Variants in TSHZ3 observed in about 807,000 individuals in gnomAD.
The protein encoded by TSHZ3 is teashirt zinc finger homeobox 3.
TSHZ3 carries 10 observed loss-of-function variants against 64.5 expected under a neutral mutation model. The observed-to-expected ratio is 0.16, with a 90% CI of 0.10 to 0.26. The LOEUF (loss-of-function observed/expected upper bound fraction) is 0.26. Among genes scored for constraint, TSHZ3 ranks in the 10% least tolerant of loss-of-function variants. The probability of loss-of-function intolerance (pLI) is 1.00; values close to 1 mark genes in which losing one functional copy is unlikely to be tolerated. For synonymous variants in TSHZ3, 608 were observed against 593.1 expected (o/e 1.03, Z -0.36); for missense variants, 1,242 against 1,421.7 (o/e 0.87, Z 2.03).
At chr19:31,349,480 G>C (rs1387575311), upstream of TSHZ3, 1 of 376,864 alleles carries the variant, frequency 2.7e-6, no homozygotes, top group Non-Finnish European at 4.7e-6. Context: ...GCACGGGGGG[G>C]AGGAGGAGGC....
intron 4 of TSHZ3, among the ~76,000 whole-genome samples, chr19:31,223,209 T>A (rs1205860891): frequency 6.6e-6 from 1 of 152,152 alleles, no homozygotes; most frequent in Non-Finnish European, 1.5e-5. Context: ...GGTCAGCTAA[T>A]AAAATAATAA....
intron 1 of TSHZ3, among the ~76,000 whole-genome samples, chr19:31,343,661 T>C (rs1917499128): frequency 6.6e-6 from 1 of 152,166 alleles, no homozygotes; most frequent in Admixed American, 6.5e-5. Flanking sequence ...AGCGTTATTC[T>C]GGTCACAAAC....
intron 5 of TSHZ3, among the ~76,000 whole-genome samples, chr19:31,172,253 A>C (rs189714083): frequency 2.6e-5 from 4 of 152,330 alleles, no homozygotes; most frequent in Admixed American, 2.0e-4. Context: ...CAAGTTGTAG[A>C]TCCTCTCTAT....
intron 1 of TSHZ3, among the ~76,000 whole-genome samples, chr19:31,340,889 T>G (rs1917413237): frequency 6.6e-6 from 1 of 152,242 alleles, no homozygotes; most frequent in African/African-American, 2.4e-5. Flanking sequence ...AAGACCTGCC[T>G]TCACAGGCTC....
chr19:31,282,574 AC>A (rs1046063541), intron 1 of TSHZ3, among the ~76,000 whole-genome samples: 1 of 152,032 alleles, frequency 6.6e-6, no homozygotes, highest in Non-Finnish European at 1.5e-5. Context: ...CTGCACAAGC[AC>A]CAAACCAGCC....
chr19:31,163,089 G>A (rs1974390949), intron 5 of TSHZ3, among the ~76,000 whole-genome samples: 1 of 152,234 alleles, frequency 6.6e-6, no homozygotes, highest in Admixed American at 6.5e-5. Flanking sequence ...GATGAACTCA[G>A]GTGTGTTCTT....
In TSHZ3 at chr19:31,276,823, C is replaced by T. The variant is rs776351854; in HGVS notation, c.2970G>A (p.Thr990=). The T allele has an allele frequency of 2.0e-5, 33 of 1,614,134 alleles. No homozygotes were observed. The highest frequency in any genetic ancestry group is 1.6e-4 in the African/African-American group (12 of 75,018). The change falls in exon 2 of 2, where the codon ACG becomes ACA. Residue 990 remains threonine, a synonymous_variant. Transcript: ENST00000240587. ...AGTGTGACTCTAGGTGACTGATGTA[C>T]GTGGAAGGAGTCCTGATTTGGGACG... ...DCASQIRTPS[T]YISHLESHLG...
At chr19:31,184,086 C>T (rs1400743325) in intron 5 of TSHZ3, among the ~76,000 whole-genome samples, 1 of 152,092 alleles carries the variant, frequency 6.6e-6, no homozygotes. Context: ...TCAAAATTAG[C>T]TCGGTATACA....
chr19:31,305,971 T>A (rs988834779), intron 1 of TSHZ3, among the ~76,000 whole-genome samples: 7 of 152,176 alleles, frequency 4.6e-5, no homozygotes, highest in Non-Finnish European at 7.3e-5. Context: ...TAAAAAAAAA[T>A]TTCACTTGAA....
intron 5 of TSHZ3, among the ~76,000 whole-genome samples, chr19:31,156,969 G>T (rs979869465): frequency 6.6e-6 from 1 of 152,166 alleles, no homozygotes; most frequent in Non-Finnish European, 1.5e-5. Flanking sequence ...CCCTCATGCA[G>T]CAGCGATGAG....
chr19:31,241,974 A>G (rs906173599), intron 3 of TSHZ3, among the ~76,000 whole-genome samples: 13 of 152,210 alleles, frequency 8.5e-5, no homozygotes, highest in African/African-American at 2.9e-4. Flanking sequence ...CTGTCATACC[A>G]TCTTCACTTG....
intron 1 of TSHZ3, among the ~76,000 whole-genome samples, chr19:31,324,739 T>C (rs1406945938): frequency 6.6e-6 from 1 of 152,212 alleles, no homozygotes; most frequent in Non-Finnish European, 1.5e-5. Context: ...CAAAGTATCC[T>C]TGCATTATGT....
At position 31,308,826 on chromosome 19, in the gene TSHZ3, C is replaced by A. The variant is rs148739454; in HGVS notation, c.41-29074G>T. 4.9e-4 allele frequency: 195 copies of A among 395,620 alleles called. 3 individuals carry two copies. The highest frequency in any genetic ancestry group is 3.5e-3 in the African/African-American group (169 of 48,710). 24.5% of individuals were successfully genotyped at this position (395,620 alleles called of 1,614,324 possible). On this transcript the variant is annotated intron_variant, in intron 1 of 1. Coordinates refer to ENST00000240587, the MANE Select transcript of TSHZ3 (RefSeq NM_020856.4). The stretch of plus-strand genomic sequence containing the variant: ...GGAAGTGACTCCTACAGATGGGCTT[C>A]ATTTGAAATGAGAGAAAATGAGGCC...
Position 31,313,700 on chromosome 19 carries a change from C to T in TSHZ3, c.41-33948G>A, listed in dbSNP as rs574660579. On this transcript the variant is annotated intron_variant, in intron 1 of 1. Transcript: ENST00000240587. ...AGATTGGTGAGAGTCCCCTGAACAACGAAATGCATGGCCGTAGCCATTCAG... is the reference window on the plus strand; with the variant it reads ...AGATTGGTGAGAGTCCCCTGAACAATGAAATGCATGGCCGTAGCCATTCAG... 8.5e-5 allele frequency among the ~76,000 whole-genome samples: 13 copies of T among 152,312 alleles called. No individual in the cohort carries two copies. In the East Asian group the frequency reaches 1.7e-3, roughly 20 times the overall value.
chr19:31,221,486 G>A (rs1975394306), intron 4 of TSHZ3, among the ~76,000 whole-genome samples: 1 of 152,180 alleles, frequency 6.6e-6, no homozygotes, highest in Non-Finnish European at 1.5e-5. Context: ...CCCGGCCTCA[G>A]CCATGTGCCC....
intron 1 of TSHZ3, among the ~76,000 whole-genome samples, chr19:31,315,961 G>T (rs1373547885): frequency 2.0e-5 from 3 of 152,124 alleles, no homozygotes; most frequent in African/African-American, 7.2e-5. Context: ...ACAGAGAAGG[G>T]TTTAGTCACT....
intron 1 of TSHZ3, among the ~76,000 whole-genome samples, chr19:31,322,138 T>G (rs1481951288): frequency 2.6e-5 from 4 of 152,164 alleles, no homozygotes; most frequent in African/African-American, 9.7e-5. Context: ...GTTTGTTTGT[T>G]TTTTTTTGTT....
In TSHZ3 at chr19:31,204,272, C is replaced by T. The variant is rs180699798; in HGVS notation, n.809+684G>A. ...CCTTCTTTCCTCTCTTCTTCTCTTGCTCCCTCTCTTCCTTCCTTTTTTCTT... is the reference window on the plus strand; with the variant it reads ...CCTTCTTTCCTCTCTTCTTCTCTTGTTCCCTCTCTTCCTTCCTTTTTTCTT... On this transcript the variant is annotated intron_variant and non_coding_transcript_variant, in intron 5 of 6. Coordinates refer to the TSHZ3 transcript ENST00000651361. Among the ~76,000 whole-genome samples, 119 of 151,356 alleles carry T rather than the reference C, an allele frequency of 7.9e-4. 1 individual carries two copies. Among genetic ancestry groups the T allele is most frequent in the African/African-American group, 2.8e-3 (116 of 41,200 alleles).
At chr19:31,169,027 C>T (rs1233998054) in intron 5 of TSHZ3, among the ~76,000 whole-genome samples, 1 of 152,054 alleles carries the variant, frequency 6.6e-6, no homozygotes, top group African/African-American at 2.4e-5. Flanking sequence ...AAAATCCCCA[C>T]TCCAGGTTGC....
Sources: gnomAD v4.1 joint callset for allele counts (sites outside exome capture counted in the v4.1 genomes callset) on GRCh38, gnomAD v4.1.1 for gene constraint, MANE v1.5 for transcripts, NCBI Gene and HGNC (gene_info 2026-07-23, HGNC 2026-07-21) for gene names.